The following TUBGCP3 variants were observed in gnomAD, a reference collection of about 807,000 sequenced individuals.
TUBGCP3 encodes the protein gamma-tubulin complex component 3.
TUBGCP3 carries 50 observed loss-of-function variants against 123.1 expected under a neutral mutation model. The observed-to-expected ratio is 0.41, with a 90% CI of 0.32 to 0.51. TUBGCP3 has a LOEUF of 0.51. Among genes scored for constraint, TUBGCP3 ranks in the 20% least tolerant of loss-of-function variants. TUBGCP3 has a pLI of 0.36. For missense variants in TUBGCP3, 882 were observed against 1,127.0 expected (o/e 0.78, Z 3.11); for synonymous variants, 405 against 413.9 (o/e 0.98, Z 0.26).
intron 2 of TUBGCP3, among the ~76,000 whole-genome samples, chr13:112,565,626 T>C (rs568220406): frequency 6.6e-6 from 1 of 152,322 alleles, no homozygotes; most frequent in African/African-American, 2.4e-5. Context: ...CTACATATCC[T>C]AAACATTTTT....
In TUBGCP3 at chr13:112,588,147, A is replaced by T; in HGVS notation, c.-167T>A. ...GGCGCCATTTTAACGGAACCCGCCGAAAGCGCGGGCGCTTCCCACAATGCC... is the reference window on the plus strand; with the variant it reads ...GGCGCCATTTTAACGGAACCCGCCGTAAGCGCGGGCGCTTCCCACAATGCC... On this transcript the variant is annotated 5_prime_UTR_variant, in exon 1 of 22. Transcript: ENST00000261965. 2.0e-6 allele frequency: 1 copy of T among 499,204 alleles called. No homozygotes were observed. Among genetic ancestry groups the T allele is most frequent in the Non-Finnish European group, 3.3e-6 (1 of 304,064 alleles). 30.9% of individuals were successfully genotyped at this position (499,204 alleles called of 1,614,324 possible).
chr13:112,585,748 A>G (rs953259943), intron 1 of TUBGCP3, among the ~76,000 whole-genome samples: 1 of 152,080 alleles, frequency 6.6e-6, no homozygotes, highest in Non-Finnish European at 1.5e-5. Flanking sequence ...AGCCTAGGTG[A>G]CAGAGCAAGA....
At chr13:112,517,299 TTCC>T (rs773570135) in intron 16 of TUBGCP3, among the ~76,000 whole-genome samples, 11 of 152,344 alleles carry the variant, frequency 7.2e-5, no homozygotes, top group Non-Finnish European at 1.2e-4. Flanking sequence ...ATAAACTTTT[TTCC>T]TCGAGTCCTT....
chr13:112,592,642 G>A (rs1483830927), upstream of TUBGCP3, among the ~76,000 whole-genome samples: 1 of 152,240 alleles, frequency 6.6e-6, no homozygotes, highest in Non-Finnish European at 1.5e-5. The surrounding 1 kb of genome is among the most constrained non-coding windows in gnomAD (Gnocchi z 4.1). Context: ...CAAAGTCAGA[G>A]TGGGAAAAAT....
intron 8 of TUBGCP3, 70 bp from the exon 9 acceptor site, chr13:112,548,246 G>T: frequency 8.0e-7 from 1 of 1,248,552 alleles, no homozygotes; most frequent in Non-Finnish European, 1.1e-6. Flanking sequence ...AAGTGGAAAG[G>T]TATAATGCGT....
chr13:112,534,024 G>C (rs961902658), intron 11 of TUBGCP3, among the ~76,000 whole-genome samples: 2 of 152,016 alleles, frequency 1.3e-5, no homozygotes, highest in African/African-American at 4.8e-5. Context: ...AGAGGATTGC[G>C]AGTGTGGAAG....
Position 112,524,059 on chromosome 13 carries a change from G to A in TUBGCP3, c.1556-1550C>T, listed in dbSNP as rs762155692. ...GCAGCGTCAGCAGCAGCAGCGCCCC[G>A]TCACCCTCAGCATCTGCAGGGGACC... On this transcript the variant is annotated intron_variant, in intron 13 of 21. Transcript: ENST00000261965. This position sits in a 1 kb window ranked among gnomAD's most constrained non-coding sequence, Gnocchi z 4.4. 6.6e-6 allele frequency among the ~76,000 whole-genome samples: 1 copy of A among 152,040 alleles called. No homozygotes were observed. Among genetic ancestry groups the A allele is most frequent in the Non-Finnish European group, 1.5e-5 (1 of 68,014 alleles).
chr13:112,496,374 C>T (rs1246086819), intron 20 of TUBGCP3, among the ~76,000 whole-genome samples: 1 of 152,214 alleles, frequency 6.6e-6, no homozygotes, highest in Non-Finnish European at 1.5e-5. Context: ...AGGCGGGCGC[C>T]GCTTCGGTCC....
intron 3 of TUBGCP3, among the ~76,000 whole-genome samples, chr13:112,561,665 C>T (rs1482593467): frequency 6.6e-6 from 1 of 152,182 alleles, no homozygotes; most frequent in Non-Finnish European, 1.5e-5. Flanking sequence ...CAAGACGCAA[C>T]ACTTCCTTCA....
chr13:112,593,127 TC>T (rs1882910831), upstream of TUBGCP3, among the ~76,000 whole-genome samples: 1 of 151,960 alleles, frequency 6.6e-6, no homozygotes, highest in Admixed American at 6.6e-5. Context: ...GGGAGTGAGA[TC>T]AGAATGGATG....
intron 17 of TUBGCP3, among the ~76,000 whole-genome samples, chr13:112,510,339 A>T (rs1881596511): frequency 6.6e-6 from 1 of 152,156 alleles, no homozygotes; most frequent in African/African-American, 2.4e-5. Context: ...TTTTTTTAGA[A>T]AAGACCTTAA....
rs531494840 is a variant in TUBGCP3, at chr13:112,585,369, C to A, written c.76+2536G>T. ...TATTTATAAATTCTTCAGTAAATAG[C>A]AGCATAATTTAAAATTATATCATAA... On this transcript the variant is annotated intron_variant, in intron 1 of 21. Coordinates refer to ENST00000261965, the MANE Select transcript of TUBGCP3 (RefSeq NM_006322.6). Among the ~76,000 whole-genome samples the A allele has an allele frequency of 8.7e-4, 132 of 152,232 alleles. 1 individual carries two copies. Among genetic ancestry groups the A allele is most frequent in the Middle Eastern group, 3.4e-3 (1 of 294 alleles).
At chr13:112,505,818 C>T (rs1014033204) in intron 17 of TUBGCP3, among the ~76,000 whole-genome samples, 2 of 152,186 alleles carry the variant, frequency 1.3e-5, no homozygotes, top group African/African-American at 2.4e-5. Flanking sequence ...CAGGCAGCAT[C>T]GCCATCCGAC....
Position 112,511,415 on chromosome 13 carries a change from C to G in TUBGCP3, c.2086+5025G>C, listed in dbSNP as rs1441379352. Among the ~76,000 whole-genome samples the G allele has an allele frequency of 6.6e-6, 1 of 152,170 alleles. No homozygotes were observed. Among genetic ancestry groups the G allele is most frequent in the African/African-American group, 2.4e-5 (1 of 41,440 alleles). ...TTTCTACACCTTTCTGCAAACACAG[C>G]AACTTTTCATTTCAAAATAGAGCCA... On this transcript the variant is annotated intron_variant, in intron 17 of 21. Transcript: ENST00000261965. The surrounding 1 kb of genome is among the most constrained non-coding windows in gnomAD (Gnocchi z 4.1).
In TUBGCP3 at chr13:112,547,508, G is replaced by GTGGGAAAGACGTGCA. The variant is rs1566567171; in HGVS notation, c.1168+111_1168+112insTGCACGTCTTTCCCA. 11 of 1,334,136 alleles carry GTGGGAAAGACGTGCA rather than the reference G, an allele frequency of 8.2e-6. No homozygotes were observed. The African/African-American group carries it at 1.7e-4, about 21-fold the overall frequency. 82.6% of individuals were successfully genotyped at this position (1,334,136 alleles called of 1,614,324 possible). A position where few individuals can be genotyped will look rare whatever the true frequency, so the allele number is the denominator to read the frequency against. ...GAAACAAAGCGAGTGCCAGACGCGC[G>GTGGGAAAGACGTGCA]TGGGAAAGACGCGCGTGGGAAAGAC... On this transcript the variant is annotated intron_variant, in intron 10 of 21. Transcript: ENST00000261965.
At chr13:112,530,846 T>C (rs750845329) in intron 11 of TUBGCP3, among the ~76,000 whole-genome samples, 34 of 152,346 alleles carry the variant, frequency 2.2e-4, no homozygotes, top group Non-Finnish European at 4.1e-4. Flanking sequence ...TAACAGAATG[T>C]GTCTGGTCCT....
At chr13:112,500,489 A>C (rs2139217449) in intron 19 of TUBGCP3, among the ~76,000 whole-genome samples, 1 of 152,384 alleles carries the variant, frequency 6.6e-6, no homozygotes, top group African/African-American at 2.4e-5. Context: ...CTGATAAAAA[A>C]TATGCGCCAA....
At chr13:112,518,036 C>T (rs1396550955) in intron 16 of TUBGCP3, among the ~76,000 whole-genome samples, 1 of 152,066 alleles carries the variant, frequency 6.6e-6, no homozygotes, top group Non-Finnish European at 1.5e-5. Flanking sequence ...AGAAGTTATA[C>T]ACTTAAAATA....
chr13:112,601,929 C>T, the TUBGCP3 span, among the ~76,000 whole-genome samples: 2 of 152,228 alleles, frequency 1.3e-5, no homozygotes, highest in African/African-American at 4.8e-5. Context: ...CGGGATGTCA[C>T]TGCTGTTTTC....
Sources: allele counts gnomAD v4.1 joint callset (sites outside exome capture counted in the v4.1 genomes callset), GRCh38; gene constraint gnomAD v4.1.1; non-coding constraint Gnocchi (gnomAD v3.1); transcripts MANE v1.5; gene names NCBI Gene and HGNC (gene_info 2026-07-23, HGNC 2026-07-21).